The following BAZ2B variants were observed in gnomAD, a reference collection of about 807,000 sequenced individuals.
BAZ2B encodes bromodomain adjacent to zinc finger domain protein 2B.
Under a neutral mutation model 246.0 loss-of-function variants are expected in BAZ2B, and 91 were observed. The ratio of observed to expected loss-of-function variants is 0.37; its 90% confidence interval spans 0.31 to 0.44. The LOEUF (loss-of-function observed/expected upper bound fraction) is 0.44. Among genes scored for constraint, BAZ2B ranks in the 20% least tolerant of loss-of-function variants. The pLI is 1.00. For missense variants in BAZ2B, 2,332 were observed against 2,533.7 expected (o/e 0.92, Z 1.71); for synonymous variants, 855 against 860.0 (o/e 0.99, Z 0.10).
the BAZ2B span, among the ~76,000 whole-genome samples, chr2:159,647,019 T>C: frequency 6.6e-6 from 1 of 152,118 alleles, no homozygotes; most frequent in African/African-American, 2.4e-5. Flanking sequence ...ATTAAACATA[T>C]ATATTTCTAG....
chr2:159,656,566 G>A, the BAZ2B span, among the ~76,000 whole-genome samples: 1 of 152,126 alleles, frequency 6.6e-6, no homozygotes, highest in South Asian at 2.1e-4. Context: ...TTTGCAGAAT[G>A]TCATATAGTT....
chr2:159,396,561 T>C (rs1212706108), intron 19 of BAZ2B: 1 of 152,222 alleles, frequency 6.6e-6, no homozygotes, highest in African/African-American at 2.4e-5. Context: ...AATTTGACAT[T>C]CTCACTTTAC....
chr2:159,606,922 A>T (rs201358989), intron 1 of BAZ2B, among the ~76,000 whole-genome samples: 29 of 139,022 alleles, frequency 2.1e-4, no homozygotes, highest in East Asian at 4.2e-4. Context: ...TGGGATTTCT[A>T]TTTTTTTTTT....
At chr2:159,414,558 T>C (rs2067339328) in intron 13 of BAZ2B, among the ~76,000 whole-genome samples, 1 of 152,172 alleles carries the variant, frequency 6.6e-6, no homozygotes, top group East Asian at 1.9e-4. Flanking sequence ...GGCCCACGCC[T>C]GTAATCTCAG....
chr2:159,623,474 A>G, the BAZ2B span, among the ~76,000 whole-genome samples: 15 of 152,250 alleles, frequency 9.9e-5, no homozygotes, highest in South Asian at 2.3e-3. Flanking sequence ...AACCTTGCTC[A>G]TAGTAAGAGA....
chr2:159,640,473 C>CA, the BAZ2B span, among the ~76,000 whole-genome samples: 13 of 150,458 alleles, frequency 8.6e-5, no homozygotes, highest in Middle Eastern at 3.4e-3. Flanking sequence ...TTAAAACATT[C>CA]AAAAAAAAAC....
the BAZ2B span, among the ~76,000 whole-genome samples, chr2:159,709,220 G>A: frequency 2.0e-5 from 3 of 151,746 alleles, no homozygotes; most frequent in Admixed American, 6.6e-5. Flanking sequence ...CTGGGAGGCC[G>A]AGGCAGGCAG....
intron 27 of BAZ2B, among the ~76,000 whole-genome samples, chr2:159,372,677 G>T (rs2060979519): frequency 6.6e-6 from 1 of 152,204 alleles, no homozygotes; most frequent in Admixed American, 6.5e-5. Context: ...CCTGCAGGGG[G>T]TTACTGTCAG....
chr2:159,363,508 G>A (rs2059925262), intron 27 of BAZ2B, among the ~76,000 whole-genome samples: 1 of 152,058 alleles, frequency 6.6e-6, no homozygotes, highest in Non-Finnish European at 1.5e-5. Context: ...GTTCTTTTTA[G>A]GTCATACAAG....
chr2:159,410,735 T>C (rs1338322503), intron 14 of BAZ2B, among the ~76,000 whole-genome samples: 1 of 152,216 alleles, frequency 6.6e-6, no homozygotes, highest in East Asian at 1.9e-4. Context: ...AAGTATGAAC[T>C]GGAGACAATA....
At chr2:159,358,989 C>T (rs2149261861) in intron 27 of BAZ2B, among the ~76,000 whole-genome samples, 1 of 152,236 alleles carries the variant, frequency 6.6e-6, no homozygotes, top group South Asian at 2.1e-4. Flanking sequence ...GCACTAAATG[C>T]CTGCAACAGA....
chr2:159,340,922 C>T (rs1167002525), intron 31 of BAZ2B, among the ~76,000 whole-genome samples: 1 of 151,932 alleles, frequency 6.6e-6, no homozygotes, highest in African/African-American at 2.4e-5. Context: ...GAAAAACACC[C>T]AGCCACAAAA....
intron 2 of BAZ2B, among the ~76,000 whole-genome samples, chr2:159,531,201 T>C (rs1041676566): frequency 1.3e-5 from 2 of 152,208 alleles, no homozygotes; most frequent in Non-Finnish European, 2.9e-5. Context: ...ATAAACTAGC[T>C]AAGTAGTCTT....
At chr2:159,499,083 C>T (rs1322386362) in intron 2 of BAZ2B, among the ~76,000 whole-genome samples, 1 of 151,966 alleles carries the variant, frequency 6.6e-6, no homozygotes, top group East Asian at 1.9e-4. Flanking sequence ...CAGGTAAACA[C>T]GTGCCATGGT....
intron 6 of BAZ2B, among the ~76,000 whole-genome samples, chr2:159,445,768 G>A (rs2074139777): frequency 6.6e-6 from 1 of 152,286 alleles, no homozygotes; most frequent in Admixed American, 6.5e-5. Context: ...CAGCAAGCAA[G>A]CCACCCATTG....
At chr2:159,698,350 C>T in the BAZ2B span, among the ~76,000 whole-genome samples, 6 of 151,552 alleles carry the variant, frequency 4.0e-5, no homozygotes, top group Non-Finnish European at 7.4e-5. Flanking sequence ...AGCAATACCC[C>T]AGCTCTACAA....
intron 31 of BAZ2B, among the ~76,000 whole-genome samples, chr2:159,347,169 A>G (rs1353985748): frequency 6.6e-6 from 1 of 152,194 alleles, no homozygotes; most frequent in Non-Finnish European, 1.5e-5. Flanking sequence ...TTCTGCTGGT[A>G]GTAAAGAACT....
chr2:159,616,851 A>G (rs1696155619), upstream of BAZ2B: 1 of 152,228 alleles, frequency 6.6e-6, no homozygotes, highest in Non-Finnish European at 1.5e-5. Context: ...AACAAAAGCT[A>G]CAGAGTAGGG....
intron 2 of BAZ2B, among the ~76,000 whole-genome samples, chr2:159,481,443 A>G (rs961147881): frequency 6.6e-6 from 1 of 150,942 alleles, no homozygotes; most frequent in African/African-American, 2.4e-5. Flanking sequence ...TATAAATAAT[A>G]AAAACAAAAT....
Sources: allele counts gnomAD v4.1 joint callset (sites outside exome capture counted in the v4.1 genomes callset), GRCh38; gene constraint gnomAD v4.1.1; transcripts MANE v1.5; gene names NCBI Gene and HGNC (gene_info 2026-07-23, HGNC 2026-07-21).